KLF12: variants seen among roughly 807,000 people sequenced by gnomAD.
KLF12 encodes the protein Krueppel-like factor 12.
In KLF12, 9 loss-of-function variants were observed where a neutral mutation model predicts 37.8. That is an observed-to-expected ratio of 0.24 (90% CI 0.14 to 0.42). The LOEUF (loss-of-function observed/expected upper bound fraction) is 0.42. KLF12 is among the 10% of genes least tolerant of loss of function. KLF12 has a pLI of 1.00. For synonymous variants in KLF12, 208 were observed against 202.1 expected (o/e 1.03, Z -0.25); for missense variants, 411 against 516.0 (o/e 0.80, Z 1.97).
intron 1 of KLF12, among the ~76,000 whole-genome samples, chr13:74,007,605 C>T (rs547346870): frequency 6.6e-6 from 1 of 152,090 alleles, no homozygotes; most frequent in Admixed American, 6.6e-5. Context: ...TACCCCAATA[C>T]AGCTAATGTC....
the KLF12 span, among the ~76,000 whole-genome samples, chr13:74,303,476 C>T: frequency 2.0e-5 from 3 of 152,246 alleles, no homozygotes; most frequent in Admixed American, 1.3e-4. Flanking sequence ...CCCCAGTGGG[C>T]CTTCCTCTCC....
chr13:74,179,403 G>C, the KLF12 span, among the ~76,000 whole-genome samples: 4,070 of 152,298 alleles, frequency 0.027, 86 homozygotes, highest in Middle Eastern at 0.075. Flanking sequence ...CAAGGAAGAT[G>C]CTCTTACTTA....
At chr13:73,966,705 A>C (rs1363202589) in intron 2 of KLF12, among the ~76,000 whole-genome samples, 1 of 152,196 alleles carries the variant, frequency 6.6e-6, no homozygotes, top group African/African-American at 2.4e-5. Flanking sequence ...TCTCCTGTTC[A>C]AGAGACAGCA....
At chr13:73,934,356 T>C (rs4885133) in intron 3 of KLF12, among the ~76,000 whole-genome samples, 147,507 of 152,296 alleles carry the variant, frequency 0.97, 71,611 homozygotes, top group East Asian at 1. Flanking sequence ...CATAACCCTG[T>C]CCTGTGCTGT....
chr13:73,728,196 G>A (rs35294312), intron 6 of KLF12, among the ~76,000 whole-genome samples: 7 of 152,208 alleles, frequency 4.6e-5, no homozygotes, highest in Admixed American at 2.6e-4. Flanking sequence ...TATGTTCATA[G>A]GTATTTTCTT....
chr13:74,055,957 A>G (rs1350252001), intron 1 of KLF12, among the ~76,000 whole-genome samples: 1 of 152,192 alleles, frequency 6.6e-6, no homozygotes, highest in Non-Finnish European at 1.5e-5. Context: ...AACAGAAAGA[A>G]GCATTGAGCA....
chr13:74,265,428 G>T, the KLF12 span, among the ~76,000 whole-genome samples: 1 of 152,204 alleles, frequency 6.6e-6, no homozygotes, highest in Admixed American at 6.5e-5. Flanking sequence ...AAATCCCCAT[G>T]TCTCAGGATG....
At chr13:74,131,234 C>T (rs776452537) in intron 1 of KLF12, among the ~76,000 whole-genome samples, 58 of 152,198 alleles carry the variant, frequency 3.8e-4, no homozygotes, top group South Asian at 1.0e-3. Flanking sequence ...TGTTAAAGTG[C>T]ATACTTTCCC....
At chr13:74,179,406 C>G in the KLF12 span, among the ~76,000 whole-genome samples, 1 of 152,162 alleles carries the variant, frequency 6.6e-6, no homozygotes, top group East Asian at 1.9e-4. Context: ...GGAAGATGCT[C>G]TTACTTATAT....
chr13:74,109,139 TAAAAC>T (rs1342525508), intron 1 of KLF12, among the ~76,000 whole-genome samples: 4 of 152,156 alleles, frequency 2.6e-5, no homozygotes, highest in Non-Finnish European at 2.9e-5. Flanking sequence ...AAAAAGTTGA[TAAAAC>T]AGATAAATCA....
intron 3 of KLF12, among the ~76,000 whole-genome samples, chr13:73,888,932 A>G (rs1887362698): frequency 6.6e-6 from 1 of 152,228 alleles, no homozygotes; most frequent in Non-Finnish European, 1.5e-5. Flanking sequence ...AACAACTGAA[A>G]TAGCAATAAA....
At chr13:73,978,987 A>C (rs1216597792) in intron 2 of KLF12, among the ~76,000 whole-genome samples, 2 of 151,356 alleles carry the variant, frequency 1.3e-5, no homozygotes, top group Admixed American at 6.6e-5. Context: ...CAATAAAACA[A>C]TCAGTGGTTG....
At chr13:73,759,609 G>A (rs1257910797) in intron 6 of KLF12, among the ~76,000 whole-genome samples, 7 of 152,118 alleles carry the variant, frequency 4.6e-5, no homozygotes, top group Non-Finnish European at 1.0e-4. Flanking sequence ...CTCTGCACAG[G>A]TGGACAACTG....
Position 73,947,374 on chromosome 13 carries a change from G to A in KLF12, c.34-3304C>T, listed in dbSNP as rs142466082. ...ACCAAATATGAATTGGCAATGGCCG[G>A]GCGTGGTGGCTCACTCTTGTAATCA... On this transcript the variant is annotated intron_variant, in intron 2 of 7. Transcript: ENST00000377669. Among the ~76,000 whole-genome samples the A allele has an allele frequency of 1.5e-3, 223 of 152,264 alleles. 3 individuals are homozygous for A. In the East Asian group the frequency reaches 0.034, roughly 23 times the overall value.
chr13:73,908,072 T>C (rs9530257), intron 3 of KLF12, among the ~76,000 whole-genome samples: 76,850 of 151,922 alleles, frequency 0.51, 19,779 homozygotes, highest in Non-Finnish European at 0.55. Flanking sequence ...GTTCAATGTC[T>C]ACCTATTAGA....
chr13:74,267,625 A>C, the KLF12 span, among the ~76,000 whole-genome samples: 1 of 152,212 alleles, frequency 6.6e-6, no homozygotes, highest in African/African-American at 2.4e-5. Context: ...TAATGGGTAC[A>C]AAATTATGGT....
the KLF12 span, among the ~76,000 whole-genome samples, chr13:74,239,417 G>A: frequency 8.4e-6 from 1 of 119,142 alleles, no homozygotes. Flanking sequence ...TGTATATTCT[G>A]TTGATTTGGG....
chr13:73,902,782 ACT>A (rs1223047007), intron 3 of KLF12, among the ~76,000 whole-genome samples: 1 of 152,226 alleles, frequency 6.6e-6, no homozygotes, highest in Non-Finnish European at 1.5e-5. Flanking sequence ...GAGGTAACTC[ACT>A]GAGGTGACTT....
At chr13:73,782,669 A>G (rs1881038390) in intron 5 of KLF12, among the ~76,000 whole-genome samples, 1 of 152,234 alleles carries the variant, frequency 6.6e-6, no homozygotes, top group Non-Finnish European at 1.5e-5. Context: ...TGGAAATGCA[A>G]TGTTGAACCG....
Sources: gnomAD v4.1 joint callset for allele counts (sites outside exome capture counted in the v4.1 genomes callset) on GRCh38, gnomAD v4.1.1 for gene constraint, MANE v1.5 for transcripts, NCBI Gene and HGNC (gene_info 2026-07-23, HGNC 2026-07-21) for gene names.